The following GHRL variants were observed in gnomAD, a reference collection of about 807,000 sequenced individuals.
GHRL encodes the protein appetite-regulating hormone.
In GHRL, 24 loss-of-function variants were observed where a neutral mutation model predicts 16.9. That is an observed-to-expected ratio of 1.42 (90% CI 1.03 to 2.00). GHRL has a LOEUF of 2.00. Among genes scored for constraint, GHRL ranks in the 30% most tolerant of loss-of-function variants. The pLI is 0.00. For missense variants in GHRL, 193 were observed against 142.1 expected (o/e 1.36, Z -1.82); for synonymous variants, 63 against 58.2 (o/e 1.08, Z -0.37).
At chr3:10,292,663 T>C (rs1700158900) in intron 1 of GHRL, 179 bp downstream of exon 1, 2 of 570,460 alleles carry the variant, frequency 3.5e-6, no homozygotes, top group Non-Finnish European at 6.1e-6. Context: ...AGTGTAGACA[T>C]CTTTTGGCCC....
At position 10,290,166 on chromosome 3, in the gene GHRL, C is replaced by A; in HGVS notation, c.15G>T (p.Gly5=). MPSP[G]TVCSLLLLGM... is the part of the protein sequence containing the mutation. ...CGAGGAGCAGGAGGCTGCAGACGGT[C>A]CCTGGGGAGGGCATGGCCTCAGCTG... Residue 5 remains glycine, a synonymous_variant, in exon 3 of 6, where the codon GGG becomes GGT. Transcript: ENST00000335542. The A allele has an allele frequency of 6.2e-7, 1 of 1,611,976 alleles. No individual in the cohort carries two copies. Among genetic ancestry groups the A allele is most frequent in the South Asian group, 1.1e-5 (1 of 90,610 alleles).
chr3:10,286,864 C>T, intron 4 of GHRL, 52 bp from the exon 5 acceptor site: 3 of 1,091,600 alleles, frequency 2.7e-6, no homozygotes, highest in South Asian at 1.3e-5. Context: ...CATGCCCATC[C>T]CCATCTCAAA....
chr3:10,289,914 C>T lies in GHRL; in HGVS notation c.109-36G>A, dbSNP rs182039551. 4,338 of 1,531,540 alleles carry T rather than the reference C, an allele frequency of 2.8e-3. 188 individuals carry two copies. In the Admixed American group the frequency reaches 0.068, roughly 24 times the overall value. 94.9% of individuals were successfully genotyped at this position (1,531,540 alleles called of 1,614,324 possible). ...GAAACAGTCTGTTTAGGACTCTAAG[C>T]CCCCATGTCCTTCCAGAAACAGTGA... On this transcript the variant is annotated intron_variant, in intron 3 of 5. Coordinates refer to ENST00000335542, the MANE Select transcript of GHRL (RefSeq NM_016362.5).
chr3:10,291,118 A>T lies in GHRL; in HGVS notation c.-432T>A. 2.0e-6 allele frequency: 2 copies of T among 985,186 alleles called. No individual in the cohort carries two copies. Among genetic ancestry groups the T allele is most frequent in the South Asian group, 9.4e-5 (2 of 21,254 alleles). The allele number at this position is 985,186 out of a possible 1,614,324, so 61.0% of individuals were successfully genotyped here. ...CTGTCATCACTAGGAGAGCTCTGAG[A>T]CCTCCCCAGTCCAGCGCCCCGTTGT... On this transcript the variant is annotated 5_prime_UTR_variant, in exon 2 of 6. Coordinates refer to ENST00000335542, the MANE Select transcript of GHRL (RefSeq NM_016362.5).
chr3:10,288,696 C>T (rs996921434), intron 4 of GHRL, among the ~76,000 whole-genome samples: 8 of 152,204 alleles, frequency 5.3e-5, no homozygotes, highest in Admixed American at 2.6e-4. Context: ...GAGCTTCCGA[C>T]GGCTTTATTC....
chr3:10,290,894 C>T lies in GHRL; in HGVS notation c.-208G>A. On this transcript the variant is annotated 5_prime_UTR_variant, in exon 2 of 6. Coordinates refer to ENST00000335542, the MANE Select transcript of GHRL (RefSeq NM_016362.5). Reference sequence around the variant, plus strand: ...CTGGGTAGAAGTCAACAGTGGAGGTCAGATGCCCTGCGGAATTGCTGGGTT... The same window carrying T: ...CTGGGTAGAAGTCAACAGTGGAGGTTAGATGCCCTGCGGAATTGCTGGGTT... The T allele has an allele frequency of 1.0e-6, 1 of 985,564 alleles. No individual in the cohort carries two copies. Among genetic ancestry groups the T allele is most frequent in the Non-Finnish European group, 1.2e-6 (1 of 829,972 alleles). The allele number at this position is 985,564 out of a possible 1,614,324, so 61.1% of individuals were successfully genotyped here.
chr3:10,285,892 C>T lies in GHRL; in HGVS notation c.337G>A (p.Ala113Thr). Residue 113 changes from alanine (A) to threonine (T), a missense_variant and splice_region_variant, in exon 6 of 6, where the codon GCC (alanine) becomes ACC (threonine). By Grantham distance (58) the Ala-to-Thr change is moderately conservative. Coordinates refer to ENST00000335542, the MANE Select transcript of GHRL (RefSeq NM_016362.5). Reference sequence around the variant, plus strand: ...GTGGGCGATCACTTGTCGGCTGGGGCCTCTGGAAAGCAAGAGGTTGAGTAA... The same window carrying T: ...GTGGGCGATCACTTGTCGGCTGGGGTCTCTGGAAAGCAAGAGGTTGAGTAA... ...QDILWEEAKEAPADK is the reference protein window; with the variant it reads ...QDILWEEAKETPADK 1 of 1,613,226 alleles carries T rather than the reference C, an allele frequency of 6.2e-7. No homozygotes were observed. The highest frequency in any genetic ancestry group is 8.5e-7 in the Non-Finnish European group (1 of 1,179,278).
Position 10,290,783 on chromosome 3 carries a change from T to A in GHRL, c.-97A>T. The A allele has an allele frequency of 2.0e-6, 2 of 992,162 alleles. No homozygotes were observed. Among genetic ancestry groups the A allele is most frequent in the Non-Finnish European group, 2.4e-6 (2 of 834,204 alleles). 61.5% of individuals were successfully genotyped at this position (992,162 alleles called of 1,614,324 possible). ...CTTATATAGGATGACTGGCGTTTGT[T>A]CTAAACCAGCAACCCCATCCCAGAG... On this transcript the variant is annotated 5_prime_UTR_variant, in exon 2 of 6. Transcript: ENST00000335542.
chr3:10,291,419 G>T lies in GHRL; in HGVS notation c.-733C>A. On this transcript the variant is annotated 5_prime_UTR_variant, in exon 2 of 6. Coordinates refer to ENST00000335542, the MANE Select transcript of GHRL (RefSeq NM_016362.5). ...CAGCAGCTTTGGTCCCTATTTTAGC[G>T]GATGCCTCTTCTGAGAGGGAAGTGC... The T allele has an allele frequency of 8.1e-6, 8 of 985,494 alleles. No homozygotes were observed. Among genetic ancestry groups the T allele is most frequent in the Non-Finnish European group, 9.6e-6 (8 of 829,972 alleles). 61.0% of individuals were successfully genotyped at this position (985,494 alleles called of 1,614,324 possible).
intron 1 of GHRL, 53 bp from the exon 2 acceptor site, chr3:10,291,504 T>C: frequency 1.0e-6 from 1 of 973,808 alleles, no homozygotes; most frequent in South Asian, 4.8e-5. Context: ...TCTCATTGAC[T>C]GGCCTTACGC....
Position 10,290,707 on chromosome 3 carries a change from A to G in GHRL, c.-30+9T>C, listed in dbSNP as rs1699880882. On this transcript the variant is annotated intron_variant, in intron 2 of 5. Transcript: ENST00000335542. ...CAGCAAACGCACACGGAGAGTAGAGAGAGCTTACCTGCAGTTCCTGGCGGA... is the reference window on the plus strand; with the variant it reads ...CAGCAAACGCACACGGAGAGTAGAGGGAGCTTACCTGCAGTTCCTGGCGGA... 4 of 1,003,638 alleles carry G rather than the reference A, an allele frequency of 4.0e-6. No homozygotes were observed. Among genetic ancestry groups the G allele is most frequent in the Non-Finnish European group, 4.8e-6 (4 of 840,672 alleles). The allele number at this position is 1,003,638 out of a possible 1,614,324, so 62.2% of individuals were successfully genotyped here.
Position 10,291,199 on chromosome 3 carries a change from C to A in GHRL, c.-513G>T. 1.0e-6 allele frequency: 1 copy of A among 985,648 alleles called. No homozygotes were observed. The allele number at this position is 985,648 out of a possible 1,614,324, so 61.1% of individuals were successfully genotyped here. On this transcript the variant is annotated 5_prime_UTR_variant, in exon 2 of 6. Coordinates refer to ENST00000335542, the MANE Select transcript of GHRL (RefSeq NM_016362.5). Reference sequence around the variant, plus strand: ...GTGAGCCCCGGGAGTCCGCAGGGAGCCAGGCTGGTGATTCTACACCTTCCC... The same window carrying A: ...GTGAGCCCCGGGAGTCCGCAGGGAGACAGGCTGGTGATTCTACACCTTCCC...
At chr3:10,289,941 G>A in intron 3 of GHRL, 63 bp from the exon 4 acceptor site, 2 of 1,489,898 alleles carry the variant, frequency 1.3e-6, no homozygotes, top group Non-Finnish European at 1.9e-6. Context: ...AAACAGTGAG[G>A]TCAGACCCAG....
chr3:10,289,894 A>G lies in GHRL; in HGVS notation c.109-16T>C. On this transcript the variant is annotated splice_polypyrimidine_tract_variant and intron_variant, in intron 3 of 5. Transcript: ENST00000335542. ...CCTTTCTCTGCTGGAAGGGGGAAAC[A>G]GTCTGTTTAGGACTCTAAGCCCCCA... The G allele has an allele frequency of 1.3e-6, 2 of 1,589,142 alleles. No individual in the cohort carries two copies. The highest frequency in any genetic ancestry group is 1.7e-6 in the Non-Finnish European group (2 of 1,159,094).
chr3:10,290,219 A>G lies in GHRL; in HGVS notation c.-29-10T>C, dbSNP rs1280271391. On this transcript the variant is annotated splice_polypyrimidine_tract_variant and intron_variant, in intron 2 of 5. Transcript: ENST00000335542. ...TTGCAGACAGGTGGGCCTGGGGGAG[A>G]GAGGGTCTCCAGGCAGCTGCCTCCC... The G allele has an allele frequency of 1.3e-6, 2 of 1,587,040 alleles. No homozygotes were observed. Among genetic ancestry groups the G allele is most frequent in the South Asian group, 1.1e-5 (1 of 87,390 alleles).
At chr3:10,289,649 TC>T in intron 4 of GHRL, 112 bp downstream of exon 4, 1 of 775,718 alleles carries the variant, frequency 1.3e-6, no homozygotes, top group Non-Finnish European at 2.4e-6. Context: ...GTTTTATAGT[TC>T]TGGGGAGCTT....
Position 10,286,813 on chromosome 3 carries a change from C to G in GHRL, c.226-1G>C, listed in dbSNP as rs1022848095. ...TTCCAACATCAAAGGGGGCGTTGAACTAGGAGGCAGGGCAGGGAGGACCCA... is the reference window on the plus strand; with the variant it reads ...TTCCAACATCAAAGGGGGCGTTGAAGTAGGAGGCAGGGCAGGGAGGACCCA... On this transcript the variant is annotated splice_acceptor_variant, in intron 4 of 5. Transcript: ENST00000335542. LOFTEE classifies it high-confidence loss of function. 1.9e-6 allele frequency: 3 copies of G among 1,592,660 alleles called. No individual in the cohort carries two copies. The highest frequency in any genetic ancestry group is 3.3e-4 in the Middle Eastern group (2 of 6,020).
At chr3:10,289,625 C>A in intron 4 of GHRL, 137 bp downstream of exon 4, 1 of 730,986 alleles carries the variant, frequency 1.4e-6, no homozygotes, top group Non-Finnish European at 2.5e-6. Flanking sequence ...CAGAGCTCAA[C>A]TCCTGTGGTA....
chr3:10,288,573 G>A (rs1233277305), intron 4 of GHRL, among the ~76,000 whole-genome samples: 1 of 152,204 alleles, frequency 6.6e-6, no homozygotes, highest in African/African-American at 2.4e-5. Context: ...TCCTGGTTTT[G>A]GCCTAAGGGT....
Sources: gnomAD v4.1 joint callset for allele counts (sites outside exome capture counted in the v4.1 genomes callset) on GRCh38, gnomAD v4.1.1 for gene constraint, MANE v1.5 for transcripts, NCBI Gene and HGNC (gene_info 2026-07-23, HGNC 2026-07-21) for gene names.